The following ATG7 variants were observed in gnomAD, a reference collection of about 807,000 sequenced individuals.
The protein encoded by ATG7 is autophagy related 7, also known as ubiquitin-like modifier-activating enzyme ATG7.
In ATG7, 70 loss-of-function variants were observed where a neutral mutation model predicts 82.4. That is an observed-to-expected ratio of 0.85 (90% CI 0.70 to 1.04). The LOEUF (loss-of-function observed/expected upper bound fraction) is 1.04, where lower values mean the gene tolerates loss of function less well. Among genes scored for constraint, ATG7 ranks in the 50% least tolerant of loss-of-function variants. The probability of loss-of-function intolerance (pLI) is 0.00; values close to 1 mark genes in which losing one functional copy is unlikely to be tolerated. For synonymous variants in ATG7, 287 were observed against 313.0 expected (o/e 0.92, Z 0.88); for missense variants, 792 against 864.3 (o/e 0.92, Z 1.05).
intron 20 of ATG7, among the ~76,000 whole-genome samples, chr3:11,510,745 C>T (rs1330480899): frequency 6.6e-6 from 1 of 152,182 alleles, no homozygotes. Context: ...TTTGGCCATA[C>T]TGTTCTTGGC....
At chr3:11,443,143 C>G (rs1015952966) in intron 20 of ATG7, among the ~76,000 whole-genome samples, 1 of 152,152 alleles carries the variant, frequency 6.6e-6, no homozygotes, top group Non-Finnish European at 1.5e-5. Context: ...TCGCCATGCA[C>G]TCCCTCTGGG....
intron 7 of ATG7, 134 bp from the exon 8 acceptor site, chr3:11,313,170 A>G (rs1948928501): frequency 1.9e-6 from 1 of 519,300 alleles, no homozygotes; most frequent in Non-Finnish European, 3.3e-6. Context: ...GGATGAGGAT[A>G]TTTGATAAGC....
chr3:11,507,030 C>T (rs1559770413), intron 20 of ATG7, among the ~76,000 whole-genome samples: 1 of 152,200 alleles, frequency 6.6e-6, no homozygotes, highest in African/African-American at 2.4e-5. Context: ...CCTGTAATCC[C>T]AGCACTTTGG....
chr3:11,300,119 G>A (rs185876289), intron 5 of ATG7, among the ~76,000 whole-genome samples: 2 of 152,168 alleles, frequency 1.3e-5, no homozygotes, highest in Admixed American at 1.3e-4. Flanking sequence ...TAGAGACAGT[G>A]TTTCACCATA....
rs368679108 is a variant in ATG7 at position 11,379,868 on chromosome 3, G to A, written c.1876-104G>A. ...TTTGCTCATAATCTCTTTCCGGGCC[G>A]CCATATTAATCATTTCCTACTTGTT... On this transcript the variant is annotated intron_variant, in intron 18 of 20. Coordinates refer to ENST00000693202, the MANE Select transcript of ATG7 (RefSeq NM_001349232.2). The A allele has an allele frequency of 5.5e-5, 61 of 1,103,342 alleles. No homozygotes were observed. In the South Asian group the frequency reaches 6.0e-4, roughly 11 times the overall value. The allele number at this position is 1,103,342 out of a possible 1,614,324, so 68.3% of individuals were successfully genotyped here.
intron 20 of ATG7, among the ~76,000 whole-genome samples, chr3:11,477,781 A>G (rs1351432635): frequency 6.6e-6 from 1 of 152,220 alleles, no homozygotes; most frequent in Non-Finnish European, 1.5e-5. Flanking sequence ...ACTGGGAATC[A>G]GTACAGCCTA....
At chr3:11,379,014 G>A (rs1243396553) in intron 18 of ATG7, among the ~76,000 whole-genome samples, 1 of 151,898 alleles carries the variant, frequency 6.6e-6, no homozygotes, top group Admixed American at 6.6e-5. Context: ...TGAGAGGGAG[G>A]GAAGCAGAGA....
chr3:11,351,233 T>G (rs753443794), intron 14 of ATG7, among the ~76,000 whole-genome samples: 10 of 152,202 alleles, frequency 6.6e-5, no homozygotes, highest in Non-Finnish European at 1.5e-4. Context: ...TGGGGGATGG[T>G]CATTAACAAA....
intron 18 of ATG7, among the ~76,000 whole-genome samples, chr3:11,377,077 A>G (rs943452685): frequency 6.6e-6 from 1 of 152,176 alleles, no homozygotes; most frequent in Non-Finnish European, 1.5e-5. Context: ...GAGTGGGTAA[A>G]AAATGACAGG....
intron 4 of ATG7, 45 bp from the exon 5 acceptor site, chr3:11,299,317 C>G: frequency 1.3e-6 from 2 of 1,561,012 alleles, no homozygotes; most frequent in Non-Finnish European, 1.8e-6. Context: ...ATGAACGCTG[C>G]TATTTCTGAC....
In ATG7 at chr3:11,554,903, C is replaced by T; in HGVS notation, c.*60C>T. 9 of 1,586,020 alleles carry T rather than the reference C, an allele frequency of 5.7e-6. No homozygotes were observed. Among genetic ancestry groups the T allele is most frequent in the Non-Finnish European group, 6.9e-6 (8 of 1,165,996 alleles). Reference sequence around the variant, plus strand: ...CGCCTGCTGAGGAGCTCTCCATCGCCAGAGCAGGACTGCTGACCCCAGGCC... The same window carrying T: ...CGCCTGCTGAGGAGCTCTCCATCGCTAGAGCAGGACTGCTGACCCCAGGCC... On this transcript the variant is annotated 3_prime_UTR_variant, in exon 21 of 21. Coordinates refer to ENST00000693202, the MANE Select transcript of ATG7 (RefSeq NM_001349232.2).
chr3:11,364,743 T>C lies in ATG7; in HGVS notation c.1875+9T>C. Reference sequence around the variant, plus strand: ...GGCTTGTGCCTCACCAGGTTAGTGATGTGGAAGTGAAATCACAATTCTTTT... The same window carrying C: ...GGCTTGTGCCTCACCAGGTTAGTGACGTGGAAGTGAAATCACAATTCTTTT... On this transcript the variant is annotated intron_variant, in intron 18 of 20. Transcript: ENST00000693202. 4 of 1,613,898 alleles carry C rather than the reference T, an allele frequency of 2.5e-6. No homozygotes were observed. Among genetic ancestry groups the C allele is most frequent in the Non-Finnish European group, 3.4e-6 (4 of 1,179,828 alleles).
At chr3:11,496,756 T>C (rs533323728) in intron 20 of ATG7, among the ~76,000 whole-genome samples, 2 of 152,358 alleles carry the variant, frequency 1.3e-5, no homozygotes, top group South Asian at 2.1e-4. Flanking sequence ...TGTATTATCA[T>C]ACTTTCTGAA....
At chr3:11,454,478 C>T (rs894569014) in intron 20 of ATG7, among the ~76,000 whole-genome samples, 1 of 152,158 alleles carries the variant, frequency 6.6e-6, no homozygotes, top group African/African-American at 2.4e-5. Context: ...AGTGGAGAGC[C>T]AGTTTGAGTA....
At chr3:11,465,750 G>A (rs942772781) in intron 20 of ATG7, among the ~76,000 whole-genome samples, 17 of 151,942 alleles carry the variant, frequency 1.1e-4, no homozygotes, top group African/African-American at 3.9e-4. Context: ...GGGCGACAGC[G>A]AGACCCTGCT....
chr3:11,442,439 T>C (rs1268376566), intron 20 of ATG7, among the ~76,000 whole-genome samples: 2 of 152,114 alleles, frequency 1.3e-5, no homozygotes, highest in East Asian at 3.8e-4. Context: ...GAAAACTAGA[T>C]TTTTTTCATA....
chr3:11,383,482 A>G (rs1326162109), intron 19 of ATG7, among the ~76,000 whole-genome samples: 1 of 152,010 alleles, frequency 6.6e-6, no homozygotes, highest in Non-Finnish European at 1.5e-5. Context: ...ATTTCTGACT[A>G]CCTTCTCCAA....
chr3:11,309,946 G>A (rs574728545), intron 7 of ATG7, among the ~76,000 whole-genome samples: 4 of 152,202 alleles, frequency 2.6e-5, no homozygotes, highest in Admixed American at 1.3e-4. Flanking sequence ...GGCTGAGGCA[G>A]GTGGATCACT....
intron 20 of ATG7, among the ~76,000 whole-genome samples, chr3:11,455,353 A>G (rs943388536): frequency 6.6e-6 from 1 of 152,190 alleles, no homozygotes; most frequent in Non-Finnish European, 1.5e-5. Context: ...TGACAATTCT[A>G]GAATAATGTG....
Sources: gnomAD v4.1 joint callset for allele counts (sites outside exome capture counted in the v4.1 genomes callset) on GRCh38, gnomAD v4.1.1 for gene constraint, MANE v1.5 for transcripts, NCBI Gene and HGNC (gene_info 2026-07-23, HGNC 2026-07-21) for gene names.